PPARGC1B: variants seen among roughly 807,000 people sequenced by gnomAD.
PPARGC1B encodes PPARG coactivator 1 beta.
Under a neutral mutation model 101.6 loss-of-function variants are expected in PPARGC1B, and 34 were observed. That is an observed-to-expected ratio of 0.33 (90% confidence interval 0.25 to 0.45). The LOEUF is 0.45. Ranked by LOEUF, PPARGC1B falls within the 20% of genes least tolerant of loss-of-function variation. PPARGC1B has a pLI of 1.00. For missense variants in PPARGC1B, 1,234 were observed against 1,317.6 expected, an observed-to-expected ratio of 0.94 and a Z score of 0.98; for synonymous variants, 548 against 539.3, an observed-to-expected ratio of 1.02 and a Z score of -0.22.
intron 1 of PPARGC1B, among the ~76,000 whole-genome samples, chr5:149,779,053 C>CAGG (rs1276264549): frequency 6.6e-6 from 1 of 152,106 alleles, no homozygotes; most frequent in African/African-American, 2.4e-5. Flanking sequence ...CTAGACTCCT[C>CAGG]AGAAGGAGGA....
intron 1 of PPARGC1B, among the ~76,000 whole-genome samples, chr5:149,764,400 G>A (rs11746690): frequency 0.079 from 12,072 of 152,258 alleles, 631 homozygotes; most frequent in African/African-American, 0.15. Flanking sequence ...AGTAGGATGC[G>A]GAGAGTTGGT....
Position 149,836,305 on chromosome 5 carries a change from A to T in PPARGC1B, c.1850A>T (p.Glu617Val). The T allele has an allele frequency of 6.2e-7, 1 of 1,609,484 alleles. No homozygotes were observed. The change falls in exon 8 of 12, where the codon GAG becomes GTG. Residue 617 changes from glutamate to valine, a missense_variant. Coordinates refer to ENST00000309241, the MANE Select transcript of PPARGC1B (RefSeq NM_133263.4). ...PTTPPYKPTE[E>V]DPFKPDIKHS... ...ACACCACCGTACAAGCCCACAGAGGAGGATCCCTTCAAACCAGACATCAAG... is the reference window on the plus strand; with the variant it reads ...ACACCACCGTACAAGCCCACAGAGGTGGATCCCTTCAAACCAGACATCAAG...
intron 9 of PPARGC1B, 101 bp from the exon 10 acceptor site, chr5:149,842,155 C>G: frequency 6.9e-7 from 1 of 1,442,206 alleles, no homozygotes; most frequent in Non-Finnish European, 9.5e-7. Context: ...CTCAGCCAGG[C>G]ATCATGGACT....
chr5:149,824,561 G>A (rs1758429693), intron 2 of PPARGC1B, among the ~76,000 whole-genome samples: 1 of 152,184 alleles, frequency 6.6e-6, no homozygotes, highest in African/African-American at 2.4e-5. Flanking sequence ...CATAGAGGAG[G>A]GAAACGACTT....
chr5:149,773,698 G>A (rs527285706), intron 1 of PPARGC1B, among the ~76,000 whole-genome samples: 3 of 152,238 alleles, frequency 2.0e-5, no homozygotes, highest in Non-Finnish European at 4.4e-5. Flanking sequence ...CAGAGCGGCC[G>A]CGGGAGGGAC....
At chr5:149,775,854 AG>A (rs1381106647) in intron 1 of PPARGC1B, among the ~76,000 whole-genome samples, 1 of 152,172 alleles carries the variant, frequency 6.6e-6, no homozygotes, top group East Asian at 1.9e-4. Flanking sequence ...GCAACAATAA[AG>A]GGAGTTGTGG....
At chr5:149,811,335 A>G (rs926344709) in intron 1 of PPARGC1B, among the ~76,000 whole-genome samples, 2 of 152,120 alleles carry the variant, frequency 1.3e-5, no homozygotes, top group African/African-American at 4.8e-5. Context: ...TTTACCATGA[A>G]CTCATTCACA....
rs767776674 is a variant in PPARGC1B at position 149,833,196 on chromosome 5, C to T, written c.1123C>T (p.Pro375Ser). The change falls in exon 5 of 12, where the codon CCC becomes TCC. Residue 375 changes from proline (P) to serine (S), a missense_variant. Transcript: ENST00000309241. This position sits in a 1 kb window ranked among gnomAD's most constrained non-coding sequence, Gnocchi z 4.1. ...VYASLTPRSR[P>S]RPPKDSQASP... ...TGCCTCCCTCACACCTCGGTCAAGGCCCAGGCCCCCCAAAGACAGTCAGGC... is the reference window on the plus strand; with the variant it reads ...TGCCTCCCTCACACCTCGGTCAAGGTCCAGGCCCCCCAAAGACAGTCAGGC... 1.9e-5 allele frequency: 30 copies of T among 1,613,430 alleles called. No homozygotes were observed. In the African/African-American group the frequency reaches 3.5e-4, roughly 19 times the overall value.
intron 1 of PPARGC1B, among the ~76,000 whole-genome samples, chr5:149,817,135 A>G (rs554907605): frequency 2.6e-5 from 4 of 152,204 alleles, no homozygotes; most frequent in East Asian, 1.9e-4. Context: ...TCTGCCTGCA[A>G]TGCTCTTCCC....
At position 149,832,980 on chromosome 5, in the gene PPARGC1B, A is replaced by C. The variant is rs754187688; in HGVS notation, c.907A>C (p.Lys303Gln). 3.1e-6 allele frequency: 5 copies of C among 1,613,338 alleles called. No homozygotes were observed. In the African/African-American group the frequency reaches 6.7e-5, roughly 22 times the overall value. ...GCACACCTACTGCCTCCCCCAGAGG[A>C]AGCTGCCCCCACAGACCCCTGAGCC... ...YMHTYCLPQR[K>Q]LPPQTPEPLP... The change falls in exon 5 of 12, where the codon AAG becomes CAG. Residue 303 changes from lysine to glutamine, a missense_variant. Coordinates refer to ENST00000309241, the MANE Select transcript of PPARGC1B (RefSeq NM_133263.4). The surrounding 1 kb of genome is among the most constrained non-coding windows in gnomAD (Gnocchi z 4.9).
Position 149,814,125 on chromosome 5 carries a change from C to G in PPARGC1B, c.79-6308C>G, listed in dbSNP as rs546409265. Among the ~76,000 whole-genome samples, 35 of 152,216 alleles carry G rather than the reference C, an allele frequency of 2.3e-4. 1 individual carries two copies. The highest frequency in any genetic ancestry group is 1.0e-3 in the South Asian group (5 of 4,820). On this transcript the variant is annotated intron_variant, in intron 1 of 11. Coordinates refer to ENST00000309241, the MANE Select transcript of PPARGC1B (RefSeq NM_133263.4). ...TGTGGTACTTTATCTTTGTAAGAAC[C>G]CTAGGAGGCAGGATTGTTTTTATTA...
At chr5:149,847,405 G>A (rs913747086) in intron 11 of PPARGC1B, 53 bp from the exon 12 acceptor site, 2 of 1,332,320 alleles carry the variant, frequency 1.5e-6, no homozygotes, top group Middle Eastern at 1.8e-4. Flanking sequence ...TCCGGTCTTT[G>A]TAAGTTGCTC....
chr5:149,800,767 C>G (rs1186083280), intron 1 of PPARGC1B, among the ~76,000 whole-genome samples: 2 of 152,182 alleles, frequency 1.3e-5, no homozygotes, highest in South Asian at 2.1e-4. Flanking sequence ...AGAGGGCCAA[C>G]CGATTGATCT....
intron 3 of PPARGC1B, among the ~76,000 whole-genome samples, chr5:149,827,869 T>C (rs1758592207): frequency 1.3e-5 from 2 of 152,352 alleles, no homozygotes; most frequent in South Asian, 4.1e-4. Context: ...AGCTGAGCTG[T>C]CCTGGAGTGT....
At chr5:149,753,196 G>A (rs1755380349) in intron 1 of PPARGC1B, among the ~76,000 whole-genome samples, 1 of 152,084 alleles carries the variant, frequency 6.6e-6, no homozygotes, top group South Asian at 2.1e-4. Flanking sequence ...GCATTTAAGT[G>A]ATTGCTATTT....
chr5:149,825,098 G>A (rs1340682139), intron 2 of PPARGC1B, among the ~76,000 whole-genome samples: 1 of 152,224 alleles, frequency 6.6e-6, no homozygotes, highest in Admixed American at 6.5e-5. Flanking sequence ...ACAGCCCGGG[G>A]ACCAGGCCTT....
At chr5:149,814,346 A>G (rs1227199828) in intron 1 of PPARGC1B, among the ~76,000 whole-genome samples, 1 of 152,160 alleles carries the variant, frequency 6.6e-6, no homozygotes, top group Non-Finnish European at 1.5e-5. Flanking sequence ...TGTTCATTAA[A>G]TGCTGAGTTC....
intron 1 of PPARGC1B, among the ~76,000 whole-genome samples, chr5:149,779,485 T>C (rs543486905): frequency 4.9e-4 from 75 of 152,282 alleles, no homozygotes; most frequent in South Asian, 1.5e-3. Context: ...GAACATCTAC[T>C]GTATAGCACA....
intron 1 of PPARGC1B, among the ~76,000 whole-genome samples, chr5:149,793,611 A>G (rs1414106375): frequency 6.6e-6 from 1 of 152,154 alleles, no homozygotes; most frequent in Non-Finnish European, 1.5e-5. Flanking sequence ...ACCCCAAACC[A>G]TTCTCCTTCA....
Sources: allele counts gnomAD v4.1 joint callset (sites outside exome capture counted in the v4.1 genomes callset), GRCh38; gene constraint gnomAD v4.1.1; non-coding constraint Gnocchi (gnomAD v3.1); transcripts MANE v1.5; gene names NCBI Gene and HGNC (gene_info 2026-07-23, HGNC 2026-07-21).